The following TRIM69 variants were observed in gnomAD, a reference collection of about 807,000 sequenced individuals.
TRIM69 encodes the protein tripartite motif containing 69, also known as E3 ubiquitin-protein ligase TRIM69.
Under a neutral mutation model 37.7 loss-of-function variants are expected in TRIM69, and 29 were observed. That is an observed-to-expected ratio of 0.77 (90% confidence interval 0.57 to 1.05). The LOEUF (loss-of-function observed/expected upper bound fraction) is 1.05, where lower values mean the gene tolerates loss of function less well. TRIM69 is among the 50% of genes least tolerant of loss of function. The pLI is 0.00. For synonymous variants in TRIM69, 209 were observed against 212.4 expected (o/e 0.98, Z 0.14); for missense variants, 596 against 579.9 (o/e 1.03, Z -0.28).
chr15:44,759,557 T>A, intron 4 of TRIM69, 83 bp from the exon 5 acceptor site: 2 of 1,450,042 alleles, frequency 1.4e-6, no homozygotes, highest in East Asian at 4.5e-5. Context: ...TCTGCACAAA[T>A]TCTGGTGGTG....
intron 4 of TRIM69, 109 bp downstream of exon 4, chr15:44,758,963 A>G: frequency 7.5e-7 from 1 of 1,336,262 alleles, no homozygotes; most frequent in Admixed American, 2.6e-5. Flanking sequence ...ACAAAACAAA[A>G]CAAAACAAAA....
At chr15:44,737,147 G>A (rs1750484434) in intron 1 of TRIM69, among the ~76,000 whole-genome samples, 2 of 152,076 alleles carry the variant, frequency 1.3e-5, no homozygotes, top group South Asian at 4.2e-4. Context: ...TAAAATAAAG[G>A]AAGTTATGTT....
intron 1 of TRIM69, among the ~76,000 whole-genome samples, chr15:44,749,771 T>C (rs1335676382): frequency 1.3e-5 from 2 of 152,222 alleles, no homozygotes; most frequent in South Asian, 2.1e-4. Flanking sequence ...GTCTGTCTTA[T>C]GGTAGTTTTT....
Position 44,767,746 on chromosome 15 carries a change from C to G in TRIM69, c.1477C>G (p.Pro493Ala). Residue 493 changes from proline (P) to alanine (A), a missense_variant, in exon 7 of 7, where the codon CCA (proline) becomes GCA (alanine). Transcript: ENST00000329464. ...TAATGATGGTGGAGAGAATAAAGAA[C>G]CATTGCACATCTTACATCCACAGTA... Reference protein sequence around the residue: ...CLNDGGENKEPLHILHPQ With the variant: ...CLNDGGENKEALHILHPQ The G allele has an allele frequency of 6.2e-7, 1 of 1,612,928 alleles. No homozygotes were observed. Among genetic ancestry groups the G allele is most frequent in the Non-Finnish European group, 8.5e-7 (1 of 1,179,884 alleles).
chr15:44,767,013 C>T (rs1334377903), intron 6 of TRIM69, among the ~76,000 whole-genome samples: 4 of 124,992 alleles, frequency 3.2e-5, no homozygotes, highest in African/African-American at 1.3e-4. Context: ...GAGCCGAGAT[C>T]GCACCACTGC....
chr15:44,744,760 T>G (rs2087367049), intron 1 of TRIM69, among the ~76,000 whole-genome samples: 1 of 152,168 alleles, frequency 6.6e-6, no homozygotes. Flanking sequence ...CAAAGAACTG[T>G]GGCTTTGACC....
rs569577291 is a variant in TRIM69 at position 44,765,540 on chromosome 15, C to T, written c.962-1691C>T. On this transcript the variant is annotated intron_variant, in intron 6 of 6. Coordinates refer to ENST00000329464, the MANE Select transcript of TRIM69 (RefSeq NM_182985.5). Reference sequence around the variant, plus strand: ...GCTTTTCTGAGAAGATAGAGTTAGACTAGAGTTCATGACTAGCCTGGCCAA... The same window carrying T: ...GCTTTTCTGAGAAGATAGAGTTAGATTAGAGTTCATGACTAGCCTGGCCAA... Among the ~76,000 whole-genome samples the T allele has an allele frequency of 4.6e-5, 7 of 152,244 alleles. No homozygotes were observed. In the East Asian group the frequency reaches 9.7e-4, roughly 21 times the overall value.
chr15:44,766,604 C>G (rs1176330764), intron 6 of TRIM69, among the ~76,000 whole-genome samples: 1 of 152,000 alleles, frequency 6.6e-6, no homozygotes, highest in Non-Finnish European at 1.5e-5. Flanking sequence ...TAATTTTTAC[C>G]CCTTTGGCAT....
chr15:44,736,669 A>G lies in TRIM69; in HGVS notation c.-36A>G, dbSNP rs746445242. 7 of 1,610,578 alleles carry G rather than the reference A, an allele frequency of 4.3e-6. No individual in the cohort carries two copies. The Middle Eastern group carries it at 1.0e-3, about 229-fold the overall frequency. On this transcript the variant is annotated 5_prime_UTR_variant, in exon 1 of 7. Transcript: ENST00000329464. ...CCTGGGCCTGCTGAGCTCTGATTCA[A>G]GTGCCTGCCTCTGCCCCTTGGTGGG...
chr15:44,754,819 T>G (rs952764640), intron 1 of TRIM69, 81 bp from the exon 2 acceptor site: 20 of 1,082,394 alleles, frequency 1.8e-5, no homozygotes, highest in Non-Finnish European at 2.4e-5. Context: ...TTTCAGCTCC[T>G]TTAGGAATGG....
rs1227026253 is a variant in TRIM69, at chr15:44,758,800, G to A, written c.759G>A (p.Met253Ile). The change falls in exon 4 of 7, where the codon ATG becomes ATA. Residue 253 changes from methionine to isoleucine, a missense_variant. Coordinates refer to ENST00000329464, the MANE Select transcript of TRIM69 (RefSeq NM_182985.5). ...AGCAATGTCTCTTAGCCAAGGATAT[G>A]TTGGTGAGCATTCAGGCAAAGACGG... ...LQEQCLLAKD[M>I]LVSIQAKTEQ... 1.2e-6 allele frequency: 2 copies of A among 1,613,998 alleles called. No individual in the cohort carries two copies. The highest frequency in any genetic ancestry group is 8.5e-7 in the Non-Finnish European group (1 of 1,179,998).
At chr15:44,752,860 T>G (rs2087564629) in intron 1 of TRIM69, 1 of 152,188 alleles carries the variant, frequency 6.6e-6, no homozygotes, top group Non-Finnish European at 1.5e-5. Flanking sequence ...AATGCCAACT[T>G]AGTTTTAATA....
At chr15:44,752,639 A>G (rs1392133098) in intron 1 of TRIM69, among the ~76,000 whole-genome samples, 1 of 152,166 alleles carries the variant, frequency 6.6e-6, no homozygotes, top group Non-Finnish European at 1.5e-5. Context: ...ACTGATAAAG[A>G]CTTACCTATG....
chr15:44,756,580 G>T, intron 3 of TRIM69, 117 bp downstream of exon 3: 1 of 664,394 alleles, frequency 1.5e-6, no homozygotes, highest in Non-Finnish European at 2.6e-6. Flanking sequence ...TGGTACCTAG[G>T]CTATGGAATT....
intron 1 of TRIM69, among the ~76,000 whole-genome samples, chr15:44,742,061 A>G (rs958327964): frequency 1.3e-5 from 2 of 152,208 alleles, no homozygotes; most frequent in South Asian, 4.2e-4. Flanking sequence ...TGATGCAAAA[A>G]TCCTCAATAA....
At chr15:44,758,521 TG>T in intron 3 of TRIM69, 99 bp from the exon 4 acceptor site, 2 of 1,497,872 alleles carry the variant, frequency 1.3e-6, no homozygotes, top group Non-Finnish European at 1.8e-6. Context: ...CATTTTTCTG[TG>T]ATGGTATTTA....
chr15:44,756,608 G>A, intron 3 of TRIM69, 145 bp downstream of exon 3: 2 of 587,682 alleles, frequency 3.4e-6, no homozygotes, highest in Admixed American at 2.8e-5. Context: ...TGAGTCTGTA[G>A]GGTGGAAAGG....
chr15:44,751,189 C>A (rs1043629617), intron 1 of TRIM69, among the ~76,000 whole-genome samples: 2 of 151,366 alleles, frequency 1.3e-5, no homozygotes, highest in Non-Finnish European at 2.9e-5. Context: ...GATCTCAGCT[C>A]ACTGCAACCT....
At chr15:44,764,503 G>A (rs1343371170) in intron 6 of TRIM69, among the ~76,000 whole-genome samples, 3 of 152,074 alleles carry the variant, frequency 2.0e-5, no homozygotes, top group Non-Finnish European at 4.4e-5. Flanking sequence ...GCAGGAGCTG[G>A]CACTTTTCTG....
Sources: allele counts gnomAD v4.1 joint callset (sites outside exome capture counted in the v4.1 genomes callset), GRCh38; gene constraint gnomAD v4.1.1; transcripts MANE v1.5; gene names NCBI Gene and HGNC (gene_info 2026-07-23, HGNC 2026-07-21).